The following PDZD4 variants were observed in gnomAD, a reference collection of about 807,000 sequenced individuals.
PDZD4 encodes PDZ domain-containing protein 4.
A neutral mutation model predicts 38.5 loss-of-function variants in PDZD4; 9 were observed. The observed-to-expected ratio is 0.23, with a 90% confidence interval of 0.14 to 0.41. The LOEUF (loss-of-function observed/expected upper bound fraction) is 0.41. Ranked by LOEUF, PDZD4 falls within the 10% of genes least tolerant of loss-of-function variation. The probability of loss-of-function intolerance (pLI) is 1.00; values close to 1 mark genes in which losing one functional copy is unlikely to be tolerated. For missense variants in PDZD4, 612 were observed against 722.0 expected (o/e 0.85, Z 1.75); for synonymous variants, 349 against 315.7 (o/e 1.11, Z -1.12).
intron 1 of PDZD4, 192 bp downstream of exon 1, chrX:153,830,047 C>G: frequency 1.8e-6 from 1 of 571,421 alleles, no homozygotes; most frequent in Non-Finnish European, 2.4e-6. Context: ...ACCCCAACTT[C>G]CCACCCCACC....
chrX:153,826,718 T>C (rs1305321556), intron 1 of PDZD4, among the ~76,000 whole-genome samples: 1 of 112,239 alleles, frequency 8.9e-6, no homozygotes, highest in Non-Finnish European at 1.9e-5. Context: ...AGCCAATCAA[T>C]TGTATTTCTA....
chrX:153,807,490 G>C, intron 2 of PDZD4, 121 bp from the exon 3 acceptor site: 5 of 750,142 alleles, frequency 6.7e-6, no homozygotes, highest in Non-Finnish European at 7.7e-6. Context: ...GTGCTCTCAA[G>C]GGTGGGTGGC....
intron 1 of PDZD4, among the ~76,000 whole-genome samples, chrX:153,821,472 C>A (rs782598238): frequency 6.3e-4 from 67 of 107,168 alleles, no homozygotes; most frequent in Admixed American, 1.2e-3. Flanking sequence ...AAAAAAAAAA[C>A]AAAACAAACA....
At chrX:153,809,075 A>G (rs942154632) in intron 1 of PDZD4, among the ~76,000 whole-genome samples, 10 of 112,839 alleles carry the variant, frequency 8.9e-5, no homozygotes, top group Admixed American at 6.5e-4. Context: ...CAAGAGGATG[A>G]CCTTGACTCT....
At chrX:153,823,766 C>T (rs1201658235) in intron 1 of PDZD4, among the ~76,000 whole-genome samples, 2 of 112,330 alleles carry the variant, frequency 1.8e-5, no homozygotes, top group African/African-American at 3.2e-5. Flanking sequence ...GGCCCTCGGA[C>T]GCAAGCACTC....
chrX:153,829,151 T>C (rs2064512979), intron 1 of PDZD4, among the ~76,000 whole-genome samples: 1 of 110,713 alleles, frequency 9.0e-6, no homozygotes, highest in Admixed American at 9.5e-5. Context: ...GCTCACAGCG[T>C]GAAGTCAGTC....
intron 1 of PDZD4, among the ~76,000 whole-genome samples, chrX:153,814,740 G>A (rs186137211): frequency 3.7e-3 from 408 of 110,327 alleles, no homozygotes; most frequent in African/African-American, 0.012. Flanking sequence ...GTCCCCCCTC[G>A]CCCAGGTTCC....
chrX:153,805,658 G>A (rs1381582340), intron 5 of PDZD4, 52 bp from the exon 6 acceptor site: 5 of 1,063,537 alleles, frequency 4.7e-6, no homozygotes, highest in African/African-American at 3.7e-5. Flanking sequence ...GCCCTGGGGC[G>A]GACCCTGGGC....
At chrX:153,808,024 C>T (rs2064270969) in intron 2 of PDZD4, 1 of 1,042,136 alleles carries the variant, frequency 9.6e-7, no homozygotes, top group Non-Finnish European at 1.2e-6. Context: ...CAAGAAGATT[C>T]AAGGAGTGAT....
intron 1 of PDZD4, among the ~76,000 whole-genome samples, chrX:153,816,795 T>C (rs962410180): frequency 2.7e-5 from 3 of 110,939 alleles, no homozygotes; most frequent in Non-Finnish European, 5.7e-5. Context: ...GAGAACAGAC[T>C]GTAAGGGCCA....
intron 1 of PDZD4, among the ~76,000 whole-genome samples, chrX:153,811,318 G>T (rs1351981175): frequency 9.0e-6 from 1 of 111,491 alleles, no homozygotes; most frequent in African/African-American, 3.3e-5. Context: ...TGTATTTTTA[G>T]TAGAGATGGG....
At chrX:153,822,834 C>T (rs1038743757) in intron 1 of PDZD4, among the ~76,000 whole-genome samples, 3 of 110,870 alleles carry the variant, frequency 2.7e-5, no homozygotes, top group African/African-American at 9.9e-5. Context: ...CATGCCACTA[C>T]GCCTGAGCAA....
chrX:153,803,743 G>C lies in PDZD4; in HGVS notation c.1938C>G (p.Pro646=), dbSNP rs375303161. The change falls in exon 8 of 8, where the codon CCC becomes CCG. Residue 646 remains proline, a synonymous_variant. Transcript: ENST00000393758. ...GGGCTTTCAGCAGCCGATCTCGCAC[G>C]GGCCGCTTGGCCACGTAGCGGGTTC... ...SDGTRYVAKR[P]VRDRLLKARA... is the part of the protein sequence containing the mutation. 1 of 1,209,126 alleles carries C rather than the reference G, an allele frequency of 8.3e-7. No homozygotes were observed. Among genetic ancestry groups the C allele is most frequent in the African/African-American group, 1.7e-5 (1 of 57,944 alleles).
At chrX:153,818,543 C>T (rs782537511) in intron 1 of PDZD4, among the ~76,000 whole-genome samples, 3 of 111,598 alleles carry the variant, frequency 2.7e-5, no homozygotes, top group African/African-American at 9.8e-5. Flanking sequence ...ACAGGAGAGG[C>T]CCAAGGAGAG....
At chrX:153,829,033 C>A (rs868910033) in intron 1 of PDZD4, among the ~76,000 whole-genome samples, 26 of 112,038 alleles carry the variant, frequency 2.3e-4, no homozygotes, top group Non-Finnish European at 4.0e-4. Flanking sequence ...CCCGCGCACC[C>A]CCGGAGAAGG....
intron 2 of PDZD4, 185 bp downstream of exon 2, chrX:153,808,156 CG>C (rs1569543368): frequency 1.9e-6 from 2 of 1,074,049 alleles, no homozygotes; most frequent in African/African-American, 3.7e-5. Flanking sequence ...GTAGATACAA[CG>C]GGGCGCCTGC....
At chrX:153,827,017 A>C (rs1015495918) in intron 1 of PDZD4, among the ~76,000 whole-genome samples, 5 of 112,169 alleles carry the variant, frequency 4.5e-5, no homozygotes, top group African/African-American at 1.6e-4. Context: ...TAGAATAGAC[A>C]AAACAGTCTT....
Position 153,804,504 on chromosome X carries a change from G to A in PDZD4, c.1177C>T (p.Leu393=), listed in dbSNP as rs781997400. ...FPRASGGNSA[L]DVNRNESLGH... is the part of the protein sequence containing the mutation. ...AGGCTCTCGTTGCGGTTGACGTCCA[G>A]GGCGCTGTTGCCTCCGGAGGCCCGG... The change falls in exon 8 of 8, where the codon CTG becomes TTG. Residue 393 remains leucine (L), a synonymous_variant. Transcript: ENST00000393758. 1.7e-6 allele frequency: 2 copies of A among 1,210,174 alleles called. No individual in the cohort carries two copies. Among genetic ancestry groups the A allele is most frequent in the Non-Finnish European group, 2.2e-6 (2 of 895,415 alleles).
intron 1 of PDZD4, among the ~76,000 whole-genome samples, chrX:153,812,032 A>G (rs1203037830): frequency 4.5e-5 from 5 of 111,020 alleles, no homozygotes; most frequent in Admixed American, 3.8e-4. Flanking sequence ...AAATCCTCGG[A>G]ACACATCACT....
Sources: gnomAD v4.1 joint callset for allele counts (sites outside exome capture counted in the v4.1 genomes callset) on GRCh38, gnomAD v4.1.1 for gene constraint, MANE v1.5 for transcripts, NCBI Gene and HGNC (gene_info 2026-07-23, HGNC 2026-07-21) for gene names.